HSD17B3: variants seen among roughly 807,000 people sequenced by gnomAD.
HSD17B3 encodes hydroxysteroid 17-beta dehydrogenase 3.
HSD17B3 carries 29 observed loss-of-function variants against 41.1 expected under a neutral mutation model. The observed-to-expected ratio is 0.71, with a 90% confidence interval of 0.53 to 0.96. The LOEUF (loss-of-function observed/expected upper bound fraction) is 0.96. Ranked by LOEUF, HSD17B3 falls within the 40% of genes least tolerant of loss-of-function variation. HSD17B3 has a pLI of 0.00. For missense variants in HSD17B3, 323 were observed against 374.6 expected (o/e 0.86, Z 1.14); for synonymous variants, 126 against 145.6 (o/e 0.87, Z 0.97).
intron 4 of HSD17B3, among the ~76,000 whole-genome samples, chr9:96,252,263 G>A (rs574537678): frequency 3.3e-5 from 5 of 152,178 alleles, no homozygotes; most frequent in East Asian, 1.9e-4. Context: ...TAGTTGGTCC[G>A]GCCGGGTGCA....
intron 5 of HSD17B3, chr9:96,250,557 G>T: frequency 1.2e-6 from 1 of 839,264 alleles, no homozygotes; most frequent in Non-Finnish European, 1.5e-6. Context: ...CAAAGGTCAG[G>T]GCCTAAGAAA....
At chr9:96,248,115 A>T (rs1351539322) in intron 6 of HSD17B3, among the ~76,000 whole-genome samples, 1 of 152,208 alleles carries the variant, frequency 6.6e-6, no homozygotes, top group Non-Finnish European at 1.5e-5. Context: ...AAACAGCCCA[A>T]GACTAAAAGG....
At chr9:96,273,138 C>T (rs1260348636) in intron 2 of HSD17B3, among the ~76,000 whole-genome samples, 1 of 152,154 alleles carries the variant, frequency 6.6e-6, no homozygotes, top group Non-Finnish European at 1.5e-5. Context: ...TTGACTATAT[C>T]AATGCCCAGA....
intron 1 of HSD17B3, among the ~76,000 whole-genome samples, chr9:96,300,877 T>C (rs1827572751): frequency 6.6e-6 from 1 of 152,048 alleles, no homozygotes; most frequent in Non-Finnish European, 1.5e-5. Context: ...TGCCTTGATT[T>C]TGTAACACCT....
At chr9:96,274,836 A>C (rs927312828) in intron 2 of HSD17B3, among the ~76,000 whole-genome samples, 1 of 152,208 alleles carries the variant, frequency 6.6e-6, no homozygotes, top group African/African-American at 2.4e-5. Flanking sequence ...GCTTATGTGA[A>C]AAATAAGGTC....
intron 2 of HSD17B3, among the ~76,000 whole-genome samples, chr9:96,260,838 C>A (rs966306777): frequency 1.3e-5 from 2 of 152,090 alleles, no homozygotes; most frequent in African/African-American, 4.8e-5. Flanking sequence ...AAAAGGATTT[C>A]TTTGGTTCTC....
chr9:96,301,455 G>A (rs1827599850), intron 1 of HSD17B3, among the ~76,000 whole-genome samples: 1 of 150,932 alleles, frequency 6.6e-6, no homozygotes, highest in African/African-American at 2.4e-5. Context: ...GCTCACGCCT[G>A]TAATCTCAGC....
chr9:96,245,285 T>C (rs1020355231), intron 8 of HSD17B3, 60 bp downstream of exon 8: 18 of 1,322,902 alleles, frequency 1.4e-5, no homozygotes, highest in Non-Finnish European at 1.9e-5. Context: ...CAAAGGAAAT[T>C]GCCAACTGGG....
chr9:96,236,343 C>A (rs1016285739), intron 10 of HSD17B3, among the ~76,000 whole-genome samples: 1 of 151,316 alleles, frequency 6.6e-6, no homozygotes, highest in Non-Finnish European at 1.5e-5. Context: ...ATGGTGAAAC[C>A]CCGTCTCTAC....
At chr9:96,289,137 A>G (rs887975989) in intron 2 of HSD17B3, among the ~76,000 whole-genome samples, 3 of 151,532 alleles carry the variant, frequency 2.0e-5, no homozygotes, top group Non-Finnish European at 4.4e-5. Flanking sequence ...GAAAAAAAAA[A>G]GATAGGCAGT....
intron 2 of HSD17B3, among the ~76,000 whole-genome samples, chr9:96,257,037 T>A (rs1169379487): frequency 1.3e-5 from 2 of 152,088 alleles, no homozygotes; most frequent in Non-Finnish European, 2.9e-5. Flanking sequence ...GCTCCAGGCA[T>A]GAGAAGTGCT....
chr9:96,293,509 C>A (rs1827231807), intron 2 of HSD17B3, among the ~76,000 whole-genome samples: 1 of 151,908 alleles, frequency 6.6e-6, no homozygotes, highest in South Asian at 2.1e-4. Context: ...TCAAATAAAT[C>A]AACCTTTCTC....
chr9:96,244,471 G>A, intron 8 of HSD17B3, 77 bp from the exon 9 acceptor site: 1 of 1,341,124 alleles, frequency 7.5e-7, no homozygotes, highest in Non-Finnish European at 1.1e-6. Context: ...GACTTCAAGG[G>A]GCACTGCAGA....
In HSD17B3 at chr9:96,298,645, G is replaced by T. The variant is rs568763138; in HGVS notation, c.155-183C>A. On this transcript the variant is annotated intron_variant, in intron 1 of 10. Transcript: ENST00000375263. The stretch of plus-strand genomic sequence containing the variant: ...AACATTCAGGTGAAAGGATTGTTTG[G>T]TTGGTGGGTGGGTTGGTTGGTTGGT... 9.2e-5 allele frequency among the ~76,000 whole-genome samples: 14 copies of T among 152,292 alleles called. No individual in the cohort carries two copies. In the East Asian group the frequency reaches 2.7e-3, roughly 29 times the overall value.
chr9:96,282,275 C>T (rs1034647210), intron 2 of HSD17B3, among the ~76,000 whole-genome samples: 2 of 151,818 alleles, frequency 1.3e-5, no homozygotes, highest in African/African-American at 4.8e-5. Context: ...TATAAAAGAG[C>T]TTTGATTAAT....
chr9:96,250,269 A>G, intron 5 of HSD17B3: 1 of 1,096,530 alleles, frequency 9.1e-7, no homozygotes, highest in Non-Finnish European at 1.1e-6. Context: ...TAGCACAAAC[A>G]CAGACACACA....
intron 2 of HSD17B3, among the ~76,000 whole-genome samples, chr9:96,274,430 C>T (rs1252366090): frequency 2.0e-5 from 3 of 152,186 alleles, no homozygotes; most frequent in Non-Finnish European, 4.4e-5. Context: ...CACTGCACTA[C>T]AGCCTGGGCG....
At position 96,252,727 on chromosome 9, in the gene HSD17B3, ATCAAATG is replaced by A. The variant is rs1210155480; in HGVS notation, c.385+69_385+75del. The A allele has an allele frequency of 4.8e-6, 4 of 828,800 alleles. No individual in the cohort carries two copies. In the Admixed American group the frequency reaches 6.8e-5, roughly 14 times the overall value. The allele number at this position is 828,800 out of a possible 1,614,324, so 51.3% of individuals were successfully genotyped here. A position where few individuals can be genotyped will look rare whatever the true frequency, so the allele number is the denominator to read the frequency against. On this transcript the variant is annotated intron_variant, in intron 4 of 10. Transcript: ENST00000375263. ...TTTGAGTATAAATCACCATGAAATA[ATCAAATG>A]TCACTCATCAGTGTCAGGTTATTTC...
intron 2 of HSD17B3, among the ~76,000 whole-genome samples, chr9:96,295,002 C>CTTTTTT: frequency 1.5e-5 from 1 of 66,176 alleles, no homozygotes; most frequent in South Asian, 6.1e-4. Flanking sequence ...ACACGAGGAG[C>CTTTTTT]TTTTTTTTTT....
Sources: allele counts gnomAD v4.1 joint callset (sites outside exome capture counted in the v4.1 genomes callset), GRCh38; gene constraint gnomAD v4.1.1; transcripts MANE v1.5; gene names NCBI Gene and HGNC (gene_info 2026-07-23, HGNC 2026-07-21).